The following GABRR3 variants were observed in gnomAD, a reference collection of about 807,000 sequenced individuals.
The protein encoded by GABRR3 is gamma-aminobutyric acid receptor subunit rho-3.
GABRR3 carries 29 observed loss-of-function variants against 43.2 expected under a neutral mutation model. The observed-to-expected ratio is 0.67, with a 90% CI of 0.50 to 0.92. The LOEUF (loss-of-function observed/expected upper bound fraction) is 0.92, where lower values mean the gene tolerates loss of function less well. GABRR3 is among the 40% of genes least tolerant of loss of function. The probability of loss-of-function intolerance (pLI) is 0.00; values close to 1 mark genes in which losing one functional copy is unlikely to be tolerated. For missense variants in GABRR3, 576 were observed against 572.3 expected (o/e 1.01, Z -0.07); for synonymous variants, 206 against 195.9 (o/e 1.05, Z -0.43).
intron 8 of GABRR3, chr3:97,998,654 G>T (rs1024605205): frequency 6.6e-6 from 1 of 152,082 alleles, no homozygotes; most frequent in Middle Eastern, 3.2e-3. Flanking sequence ...ATCTGATGAG[G>T]TCAGATTTCT....
At position 98,007,684 on chromosome 3, in the gene GABRR3, G is replaced by T; in HGVS notation, c.754+80C>A. ...AAAGGGGACACTCGCTTGGATTCCG[G>T]TCTTTTCGCATGTTGTGGTGCTTTG... On this transcript the variant is annotated intron_variant, in intron 7 of 9. Transcript: ENST00000621172. 2.0e-6 allele frequency: 3 copies of T among 1,500,092 alleles called. No individual in the cohort carries two copies. In the Admixed American group the frequency reaches 5.3e-5, roughly 26 times the overall value. 92.9% of individuals were successfully genotyped at this position (1,500,092 alleles called of 1,614,324 possible).
intron 8 of GABRR3, chr3:97,999,120 G>A (rs2107230636): frequency 6.6e-6 from 1 of 152,228 alleles, no homozygotes; most frequent in East Asian, 1.9e-4. Flanking sequence ...AAGAGAATAA[G>A]TGGCTTCCCT....
intron 8 of GABRR3, chr3:98,001,218 T>C (rs1706635922): frequency 5.8e-6 from 1 of 173,152 alleles, no homozygotes; most frequent in Non-Finnish European, 1.2e-5. Flanking sequence ...ATAGTGTGAA[T>C]TAGTTTGAAG....
intron 2 of GABRR3, among the ~76,000 whole-genome samples, chr3:98,030,815 C>A (rs1707078324): frequency 6.6e-6 from 1 of 151,814 alleles, no homozygotes; most frequent in African/African-American, 2.4e-5. Flanking sequence ...ATAATGTAGG[C>A]AAAATTTTAA....
intron 2 of GABRR3, among the ~76,000 whole-genome samples, chr3:98,034,343 GATA>G (rs906359404): frequency 6.6e-6 from 1 of 152,082 alleles, no homozygotes; most frequent in Non-Finnish European, 1.5e-5. Flanking sequence ...TTGATGGGAA[GATA>G]ATAATGATGA....
intron 7 of GABRR3, among the ~76,000 whole-genome samples, chr3:98,002,094 C>A (rs941728383): frequency 6.6e-6 from 1 of 151,960 alleles, no homozygotes; most frequent in Non-Finnish European, 1.5e-5. Flanking sequence ...GGAAAGTCTT[C>A]AATACATGAC....
intron 4 of GABRR3, among the ~76,000 whole-genome samples, chr3:98,017,283 T>A (rs1259732893): frequency 1.3e-5 from 2 of 152,220 alleles, no homozygotes; most frequent in Admixed American, 6.5e-5. Context: ...CTGGTTCAAC[T>A]GTTTATTATT....
chr3:98,023,844 G>A (rs1260337218), intron 3 of GABRR3, among the ~76,000 whole-genome samples: 1 of 152,166 alleles, frequency 6.6e-6, no homozygotes, highest in Admixed American at 6.5e-5. Flanking sequence ...CTAATACAGC[G>A]ATTCTCTGGC....
intron 9 of GABRR3, among the ~76,000 whole-genome samples, chr3:97,989,721 TGTCCAG>T (rs968784100): frequency 6.6e-6 from 1 of 152,060 alleles, no homozygotes; most frequent in African/African-American, 2.4e-5. Context: ...TCCGCATTGG[TGTCCAG>T]GTCTTTTCTC....
intron 9 of GABRR3, among the ~76,000 whole-genome samples, chr3:97,988,791 T>C (rs1351751448): frequency 6.6e-6 from 1 of 150,904 alleles, no homozygotes; most frequent in African/African-American, 2.4e-5. Flanking sequence ...CGTTTGGTAG[T>C]GGTGGATGGT....
At chr3:98,012,792 A>G (rs1414815302) in intron 4 of GABRR3, among the ~76,000 whole-genome samples, 1 of 152,164 alleles carries the variant, frequency 6.6e-6, no homozygotes, top group Non-Finnish European at 1.5e-5. Flanking sequence ...GGGAGTTATA[A>G]TAGAATATTC....
At chr3:98,020,852 C>A (rs2107245623) in intron 3 of GABRR3, among the ~76,000 whole-genome samples, 1 of 134,860 alleles carries the variant, frequency 7.4e-6, no homozygotes, top group Middle Eastern at 4.0e-3. Context: ...GGCCTCATTT[C>A]TTTTTCTTTT....
intron 2 of GABRR3, among the ~76,000 whole-genome samples, chr3:98,032,527 G>T (rs1707099681): frequency 6.6e-6 from 1 of 152,072 alleles, no homozygotes; most frequent in Admixed American, 6.6e-5. Context: ...AATCCTCTTT[G>T]CATCATCCAG....
chr3:97,985,388 T>G (rs1208307103), downstream of GABRR3, among the ~76,000 whole-genome samples: 1 of 152,254 alleles, frequency 6.6e-6, no homozygotes, highest in Non-Finnish European at 1.5e-5. Flanking sequence ...GTTTTTTCAC[T>G]CAATACAATA....
At chr3:98,013,707 C>G (rs2107240504) in intron 4 of GABRR3, among the ~76,000 whole-genome samples, 1 of 152,268 alleles carries the variant, frequency 6.6e-6, no homozygotes, top group Non-Finnish European at 1.5e-5. Context: ...CTGGATTAAT[C>G]TAGGAACATT....
intron 3 of GABRR3, among the ~76,000 whole-genome samples, 186 bp from the exon 4 acceptor site, chr3:98,017,908 T>A (rs1245843569): frequency 1.3e-5 from 2 of 152,114 alleles, no homozygotes; most frequent in African/African-American, 4.8e-5. Flanking sequence ...TAAAGGCACA[T>A]GTGTAAATAA....
intron 3 of GABRR3, among the ~76,000 whole-genome samples, chr3:98,019,766 G>A (rs1706914939): frequency 1.3e-5 from 2 of 151,994 alleles, no homozygotes; most frequent in African/African-American, 2.4e-5. Context: ...TGTTCACCAC[G>A]TTGGCTAGGC....
chr3:98,028,744 A>T (rs536594919), intron 2 of GABRR3, among the ~76,000 whole-genome samples: 2 of 152,106 alleles, frequency 1.3e-5, no homozygotes, highest in Non-Finnish European at 2.9e-5. Context: ...CTGTTTTAAA[A>T]CTATTCATGT....
At chr3:97,992,696 G>A (rs1706486747) in intron 9 of GABRR3, 156 bp downstream of exon 9, 1 of 257,168 alleles carries the variant, frequency 3.9e-6, no homozygotes, top group Non-Finnish European at 6.1e-6. Context: ...CAGAGGGTAA[G>A]GTTCAATGTT....
Sources: allele counts gnomAD v4.1 joint callset (sites outside exome capture counted in the v4.1 genomes callset), GRCh38; gene constraint gnomAD v4.1.1; transcripts MANE v1.5; gene names NCBI Gene and HGNC (gene_info 2026-07-23, HGNC 2026-07-21).